The following MCTP1 variants were observed in gnomAD, a reference collection of about 807,000 sequenced individuals.
The protein encoded by MCTP1 is multiple C2 and transmembrane domain-containing protein 1.
A neutral mutation model predicts 120.6 loss-of-function variants in MCTP1; 69 were observed. The observed-to-expected ratio is 0.57, with a 90% CI of 0.47 to 0.70. The LOEUF (loss-of-function observed/expected upper bound fraction) is 0.70, where lower values mean the gene tolerates loss of function less well. Among genes scored for constraint, MCTP1 ranks in the 30% least tolerant of loss-of-function variants. The probability of loss-of-function intolerance (pLI) is 0.00; values close to 1 mark genes in which losing one functional copy is unlikely to be tolerated. For missense variants in MCTP1, 1,203 were observed against 1,248.8 expected (o/e 0.96, Z 0.55); for synonymous variants, 529 against 493.1 (o/e 1.07, Z -0.96).
intron 17 of MCTP1, among the ~76,000 whole-genome samples, chr5:94,808,779 T>C (rs892702538): frequency 6.6e-6 from 1 of 152,136 alleles, no homozygotes; most frequent in African/African-American, 2.4e-5. Context: ...AGAAAAAAAG[T>C]GAGAAATTGG....
intron 1 of MCTP1, among the ~76,000 whole-genome samples, chr5:95,036,678 T>C (rs1030338409): frequency 3.9e-5 from 6 of 152,214 alleles, no homozygotes; most frequent in Non-Finnish European, 7.4e-5. Context: ...TTAAATGTCA[T>C]ATCAATCCTA....
chr5:95,220,398 G>A (rs1178655635), intron 1 of MCTP1, among the ~76,000 whole-genome samples: 4 of 150,208 alleles, frequency 2.7e-5, no homozygotes, highest in South Asian at 2.1e-4. Flanking sequence ...TACAAACACT[G>A]ACGGAATCAT....
chr5:94,799,048 T>C lies in MCTP1; in HGVS notation c.2521A>G (p.Ile841Val), dbSNP rs746672415. 3 of 1,612,098 alleles carry C rather than the reference T, an allele frequency of 1.9e-6. No individual in the cohort carries two copies. Among genetic ancestry groups the C allele is most frequent in the South Asian group, 2.2e-5 (2 of 90,964 alleles). ...TGCCTGTTATCTTTCCCTGATATTA[T>C]CAAGAAGTAGTTCCATGTCAATAGT... is the stretch of plus-strand genomic sequence containing the variant. ...LLLLTWNYFL[I>V]ISGKDNRQRD... The change falls in exon 18 of 23, where the codon ATA (isoleucine) becomes GTA (valine). Residue 841 changes from isoleucine to valine, a missense_variant. Physicochemically the swap from Ile to Val is conservative, Grantham distance 29 (BLOSUM62 3). Coordinates refer to ENST00000515393, the MANE Select transcript of MCTP1 (RefSeq NM_024717.7).
intron 1 of MCTP1, among the ~76,000 whole-genome samples, chr5:95,041,311 G>GAA (rs58379749): frequency 8.9e-4 from 80 of 89,782 alleles, no homozygotes; most frequent in African/African-American, 1.6e-3. Flanking sequence ...CCCATGCTCT[G>GAA]AAAAAAAAAA....
intron 1 of MCTP1, among the ~76,000 whole-genome samples, chr5:95,157,420 T>C (rs1485148080): frequency 6.6e-6 from 1 of 152,190 alleles, no homozygotes; most frequent in Non-Finnish European, 1.5e-5. Context: ...TGACCCTAGA[T>C]ACAGATAAGA....
chr5:94,931,646 T>C (rs1423674318), intron 6 of MCTP1: 2 of 310,868 alleles, frequency 6.4e-6, no homozygotes, highest in East Asian at 5.9e-5. Context: ...GTCCCTCCCC[T>C]AGCCTCATCA....
At position 95,284,309 on chromosome 5, in the gene MCTP1, G is replaced by C. The variant is rs1363339672; in HGVS notation, c.267C>G (p.Asp89Glu). 1 of 1,597,492 alleles carries C rather than the reference G, an allele frequency of 6.3e-7. No homozygotes were observed. Among genetic ancestry groups the C allele is most frequent in the Admixed American group, 1.7e-5 (1 of 59,976 alleles). Residue 89 changes from aspartate (D) to glutamate (E), a missense_variant, in exon 1 of 23, where the codon GAC (aspartate) becomes GAG (glutamate). Asp to Glu is a conservative substitution (Grantham distance 45, BLOSUM62 2). Coordinates refer to ENST00000515393, the MANE Select transcript of MCTP1 (RefSeq NM_024717.7). This position sits in a 1 kb window ranked among gnomAD's most constrained non-coding sequence, Gnocchi z 5.2. ...SGFKKRKQVL[D>E]RVFSSSQPNL... ...TGGGCTGCGAGGAGGAGAAGACTCGGTCCAGCACTTGCTTCCGCTTCTTGA... is the reference window on the plus strand; with the variant it reads ...TGGGCTGCGAGGAGGAGAAGACTCGCTCCAGCACTTGCTTCCGCTTCTTGA...
chr5:94,901,935 A>G (rs1323107354), intron 10 of MCTP1, among the ~76,000 whole-genome samples: 1 of 152,160 alleles, frequency 6.6e-6, no homozygotes, highest in Non-Finnish European at 1.5e-5. Flanking sequence ...ATCAGTCTCT[A>G]ATACATGAAC....
chr5:95,121,195 G>A (rs1043410309), intron 1 of MCTP1, among the ~76,000 whole-genome samples: 4 of 145,410 alleles, frequency 2.8e-5, no homozygotes, highest in South Asian at 4.4e-4. Context: ...GGAGAATGGC[G>A]TGAACCCAGG....
intron 10 of MCTP1, among the ~76,000 whole-genome samples, chr5:94,908,221 A>C (rs1056567843): frequency 6.6e-6 from 1 of 152,096 alleles, no homozygotes; most frequent in African/African-American, 2.4e-5. Flanking sequence ...CCTGTGCTTT[A>C]AAAAGGCTTG....
intron 1 of MCTP1, among the ~76,000 whole-genome samples, chr5:95,062,182 C>A (rs185881892): frequency 3.3e-5 from 5 of 152,274 alleles, no homozygotes; most frequent in Non-Finnish European, 7.3e-5. Context: ...CTATTTAATT[C>A]TTTACAATAA....
chr5:95,082,020 G>A (rs749557373), intron 1 of MCTP1: 10 of 175,314 alleles, frequency 5.7e-5, no homozygotes, highest in Admixed American at 2.0e-4. Flanking sequence ...GAACACTAAA[G>A]TCACTAACAT....
At chr5:94,739,173 G>A (rs576588854) in intron 19 of MCTP1, 8 of 152,284 alleles carry the variant, frequency 5.3e-5, no homozygotes, top group African/African-American at 1.7e-4. Context: ...GGTTGGTTGT[G>A]ATTTATGAAT....
chr5:95,049,425 G>A (rs1214043125), intron 1 of MCTP1, among the ~76,000 whole-genome samples: 1 of 152,078 alleles, frequency 6.6e-6, no homozygotes, highest in Non-Finnish European at 1.5e-5. Flanking sequence ...ATATCATAAA[G>A]ACTAAAACAT....
At chr5:95,200,197 TAA>T (rs1750858900) in intron 1 of MCTP1, among the ~76,000 whole-genome samples, 1 of 150,106 alleles carries the variant, frequency 6.7e-6, no homozygotes, top group Non-Finnish European at 1.5e-5. Context: ...AGACAAAAGA[TAA>T]ATATTGACAA....
Position 95,182,044 on chromosome 5 carries a change from T to A in MCTP1, c.720+101812A>T, listed in dbSNP as rs974031616. Among the ~76,000 whole-genome samples the A allele has an allele frequency of 8.6e-5, 13 of 151,996 alleles. No individual in the cohort carries two copies. The South Asian group carries it at 2.1e-3, about 24-fold the overall frequency. On this transcript the variant is annotated intron_variant, in intron 1 of 22. Coordinates refer to ENST00000515393, the MANE Select transcript of MCTP1 (RefSeq NM_024717.7). ...CAACAAATGATAACACAAAATAAAA[T>A]AAAAATAAAATGTAAATAGAGTTAC...
chr5:94,894,817 T>C lies in MCTP1; in HGVS notation c.1671A>G (p.Ser557=). 1.3e-6 allele frequency: 2 copies of C among 1,590,904 alleles called. No homozygotes were observed. Among genetic ancestry groups the C allele is most frequent in the Non-Finnish European group, 8.6e-7 (1 of 1,164,124 alleles). The change falls in exon 11 of 23, where the codon TCA becomes TCG. Residue 557 remains serine (S), a synonymous_variant. Coordinates refer to ENST00000515393, the MANE Select transcript of MCTP1 (RefSeq NM_024717.7). ...DFIGRCQVDL[S]ALSREQTHKL... ...TGTGCGTCTGTTCCCTACTGAGGGC[T>C]GACAGGTCGACCTGGCACCTAGAGA...
chr5:94,728,090 T>C (rs1372455229), intron 19 of MCTP1, among the ~76,000 whole-genome samples: 2 of 152,160 alleles, frequency 1.3e-5, no homozygotes, highest in Non-Finnish European at 2.9e-5. Context: ...AGTAAATCAC[T>C]AGAACAGGCT....
At chr5:94,887,974 G>T (rs1176896320) in intron 12 of MCTP1, among the ~76,000 whole-genome samples, 5 of 152,150 alleles carry the variant, frequency 3.3e-5, no homozygotes, top group Admixed American at 3.3e-4. Flanking sequence ...AAATAAGTTT[G>T]TTACCTCATT....
Sources: gnomAD v4.1 joint callset for allele counts (sites outside exome capture counted in the v4.1 genomes callset) on GRCh38, gnomAD v4.1.1 for gene constraint, Gnocchi (gnomAD v3.1) non-coding constraint, MANE v1.5 for transcripts, NCBI Gene and HGNC (gene_info 2026-07-23, HGNC 2026-07-21) for gene names.